The following CSDE1 variants were observed in gnomAD, a reference collection of about 807,000 sequenced individuals.
CSDE1 encodes the protein cold shock domain containing E1.
A neutral mutation model predicts 89.3 loss-of-function variants in CSDE1; 17 were observed. That is an observed-to-expected ratio of 0.19 (90% CI 0.13 to 0.29). The LOEUF (loss-of-function observed/expected upper bound fraction) is 0.29, where lower values mean the gene tolerates loss of function less well. CSDE1 is among the 10% of genes least tolerant of loss of function. The pLI is 1.00. For missense variants in CSDE1, 672 were observed against 984.2 expected (o/e 0.68, Z 4.24); for synonymous variants, 322 against 332.8 (o/e 0.97, Z 0.35).
chr1:114,737,942 C>T, intron 4 of CSDE1, 21 bp downstream of exon 4: 1 of 1,535,300 alleles, frequency 6.5e-7, no homozygotes, highest in Non-Finnish European at 9.0e-7. Flanking sequence ...TAAAAAAACA[C>T]AAAGCATCAA....
At chr1:114,745,246 C>G (rs1461307099) in intron 2 of CSDE1, among the ~76,000 whole-genome samples, 1 of 152,086 alleles carries the variant, frequency 6.6e-6, no homozygotes, top group Non-Finnish European at 1.5e-5. Flanking sequence ...CTGGGGAAAT[C>G]TGAAATGTGA....
chr1:114,740,064 A>G, intron 2 of CSDE1, 174 bp from the exon 3 acceptor site: 1 of 537,468 alleles, frequency 1.9e-6, no homozygotes, highest in African/African-American at 1.9e-5. Context: ...AACATTTCAG[A>G]GGAAACAACT....
At chr1:114,726,530 C>T (rs1659808896) in intron 13 of CSDE1, 144 bp from the exon 14 acceptor site, 1 of 639,616 alleles carries the variant, frequency 1.6e-6, no homozygotes. Flanking sequence ...TTGATTTTCA[C>T]CAAAACATTT....
intron 3 of CSDE1, among the ~76,000 whole-genome samples, chr1:114,738,446 GTTT>G (rs1011491504): frequency 6.7e-6 from 1 of 148,952 alleles, no homozygotes; most frequent in Non-Finnish European, 1.5e-5. Flanking sequence ...CCTTTGGCGA[GTTT>G]TTTTTTTAAA....
rs561828478 is a variant in CSDE1 at position 114,728,476 on chromosome 1, T to C, written c.1357-1386A>G. ...CAGATTCATTAACAGGTAAATGTTATATACTGTAAGAAGCATGATGACAGA... is the reference window on the plus strand; with the variant it reads ...CAGATTCATTAACAGGTAAATGTTACATACTGTAAGAAGCATGATGACAGA... On this transcript the variant is annotated intron_variant, in intron 12 of 19. Transcript: ENST00000358528. 1.4e-4 allele frequency among the ~76,000 whole-genome samples: 21 copies of C among 152,194 alleles called. No individual in the cohort carries two copies. In the South Asian group the frequency reaches 3.3e-3, roughly 24 times the overall value.
rs150997197 is a variant in CSDE1, at chr1:114,725,934, C to T, written c.1640+277G>A. 5.9e-3 allele frequency among the ~76,000 whole-genome samples: 893 copies of T among 152,316 alleles called. 5 individuals carry two copies. The highest frequency in any genetic ancestry group is 7.7e-3 in the Non-Finnish European group (524 of 68,020). ...ATAGGCATGAGCCACCACACCCAGT[C>T]AGACCCCTTACTCTTACACTACATT... On this transcript the variant is annotated intron_variant, in intron 14 of 19. Transcript: ENST00000358528.
rs181895470 is a variant in CSDE1, at chr1:114,726,370, C to G, written c.1481G>C (p.Ser494Thr). 6 of 1,608,886 alleles carry G rather than the reference C, an allele frequency of 3.7e-6. No individual in the cohort carries two copies. Among genetic ancestry groups the G allele is most frequent in the African/African-American group, 1.3e-5 (1 of 74,736 alleles). The part of the protein sequence containing the change: ...QIGDKVEFSI[S>T]DKQRPGQQVA... ...CTGCTGTCCAGGCCTCTGTTTGTCA[C>G]TAATACTAAATTCAACCTGTGAAAA... Residue 494 changes from serine (S) to threonine (T), a missense_variant, in exon 14 of 20, where the codon AGT becomes ACT. Physicochemically the swap from Ser to Thr is moderately conservative, Grantham distance 58 (BLOSUM62 1). Transcript: ENST00000358528.
chr1:114,732,112 G>GA (rs1660134744), intron 10 of CSDE1, among the ~76,000 whole-genome samples: 1 of 151,756 alleles, frequency 6.6e-6, no homozygotes, highest in Non-Finnish European at 1.5e-5. Context: ...CCGTGCCTAT[G>GA]ATTTTTTTTT....
chr1:114,719,843 A>ATTAATG, intron 17 of CSDE1, 101 bp from the exon 18 acceptor site: 1 of 1,155,298 alleles, frequency 8.7e-7, no homozygotes, highest in Non-Finnish European at 1.2e-6. Flanking sequence ...AAAACATGGT[A>ATTAATG]TTAATGTTGA....
rs144707101 is a variant in CSDE1 at position 114,738,047 on chromosome 1, C to A, written c.225G>T (p.Ser75=). The stretch of plus-strand genomic sequence containing the variant: ...CAATGGGTTTCCCAGTCCGTCGGTC[C>A]GATGATACTTCAAATTCAACATCAT... The part of the protein sequence containing the change: ...VGDDVEFEVS[S]DRRTGKPIAV... The change falls in exon 4 of 20, where the codon TCG becomes TCT. Residue 75 remains serine, a synonymous_variant. Coordinates refer to ENST00000358528, the MANE Select transcript of CSDE1 (RefSeq NM_001007553.3). 3.1e-6 allele frequency: 5 copies of A among 1,613,510 alleles called. No homozygotes were observed. The African/African-American group carries it at 6.7e-5, about 22-fold the overall frequency.
At chr1:114,738,358 T>C (rs1660521867) in intron 3 of CSDE1, among the ~76,000 whole-genome samples, 1 of 152,214 alleles carries the variant, frequency 6.6e-6, no homozygotes, top group Admixed American at 6.5e-5. Context: ...CACCATCTTA[T>C]GCTAAGATAG....
At chr1:114,743,809 T>C (rs1004929815) in intron 2 of CSDE1, among the ~76,000 whole-genome samples, 11 of 152,222 alleles carry the variant, frequency 7.2e-5, no homozygotes, top group Admixed American at 4.6e-4. Flanking sequence ...TGAAAAAGCC[T>C]TCCCCTTCTC....
intron 1 of CSDE1, among the ~76,000 whole-genome samples, chr1:114,753,602 T>C (rs572054015): frequency 6.6e-6 from 1 of 152,126 alleles, no homozygotes; most frequent in South Asian, 2.1e-4. Flanking sequence ...CCCTAAAAGC[T>C]TGAAACTTAA....
chr1:114,756,561 G>A (rs1661609316), intron 1 of CSDE1, among the ~76,000 whole-genome samples: 1 of 152,128 alleles, frequency 6.6e-6, no homozygotes, highest in East Asian at 1.9e-4. Context: ...ATATCTGTGG[G>A]CTATAATTTG....
At chr1:114,733,284 T>C (rs1660203008) in intron 9 of CSDE1, among the ~76,000 whole-genome samples, 1 of 152,140 alleles carries the variant, frequency 6.6e-6, no homozygotes, top group Admixed American at 6.5e-5. Context: ...TCCCAGCACT[T>C]TGGGAGGCCA....
intron 6 of CSDE1, among the ~76,000 whole-genome samples, chr1:114,736,095 G>C (rs1660386691): frequency 6.6e-6 from 1 of 152,058 alleles, no homozygotes; most frequent in South Asian, 2.1e-4. Context: ...AACAGTATTT[G>C]GGACTCCCTT....
At chr1:114,734,202 A>C in intron 7 of CSDE1, 85 bp from the exon 8 acceptor site, 2 of 1,428,476 alleles carry the variant, frequency 1.4e-6, no homozygotes, top group Non-Finnish European at 1.9e-6. Context: ...TTTTTGTAAA[A>C]TTATACTGTA....
Position 114,723,797 on chromosome 1 carries a change from G to C in CSDE1, c.1873+86C>G. ...TTCAGTTTTAAACCTAAAAACAACT[G>C]CAATAAGCACCATATTTTAAAACTT... On this transcript the variant is annotated intron_variant, in intron 16 of 19. Coordinates refer to ENST00000358528, the MANE Select transcript of CSDE1 (RefSeq NM_001007553.3). The C allele has an allele frequency of 5.7e-6, 9 of 1,568,034 alleles. No individual in the cohort carries two copies. In the South Asian group the frequency reaches 9.0e-5, roughly 16 times the overall value.
In CSDE1 at chr1:114,717,185, C is replaced by A. The variant is rs954865984; in HGVS notation, c.*984G>T. The stretch of plus-strand genomic sequence containing the variant: ...AAGAGGGCCAAGAAATCAGACCCAT[C>A]CATTCCCGTGATATAAAGTTGAACA... On this transcript the variant is annotated 3_prime_UTR_variant, in exon 20 of 20. Coordinates refer to ENST00000358528, the MANE Select transcript of CSDE1 (RefSeq NM_001007553.3). 3 of 152,520 alleles carry A rather than the reference C, an allele frequency of 2.0e-5. No homozygotes were observed. Among genetic ancestry groups the A allele is most frequent in the African/African-American group, 7.2e-5 (3 of 41,426 alleles). The allele number at this position is 152,520 out of a possible 1,614,324, so 9.4% of individuals were successfully genotyped here. A position where few individuals can be genotyped will look rare whatever the true frequency, so the allele number is the denominator to read the frequency against.
Sources: gnomAD v4.1 joint callset for allele counts (sites outside exome capture counted in the v4.1 genomes callset) on GRCh38, gnomAD v4.1.1 for gene constraint, MANE v1.5 for transcripts, NCBI Gene and HGNC (gene_info 2026-07-23, HGNC 2026-07-21) for gene names.